Variants in REXO1 observed in about 807,000 individuals in gnomAD.
The protein encoded by REXO1 is RNA exonuclease 1 homolog, also known as REX1, RNA exonuclease 1 homolog.
In REXO1, 42 loss-of-function variants were observed where a neutral mutation model predicts 102.6. The observed-to-expected ratio is 0.41, with a 90% CI of 0.32 to 0.53. The LOEUF (loss-of-function observed/expected upper bound fraction) is 0.53, where lower values mean the gene tolerates loss of function less well. REXO1 is among the 20% of genes least tolerant of loss of function. The pLI is 0.27. For missense variants in REXO1, 1,819 were observed against 1,732.5 expected (o/e 1.05, Z -0.89); for synonymous variants, 908 against 779.1 (o/e 1.17, Z -2.76).
rs1422121726 is a variant in REXO1, at chr19:1,827,073, G to T, written c.1716C>A (p.Ala572=). The change falls in exon 2 of 16, where the codon GCC becomes GCA. Residue 572 remains alanine, a synonymous_variant. Transcript: ENST00000170168. ...EAQGPPKRLK[A]SPPPSPAPSS... ...ATGGGGCGGGGGAGGGGGGCGGGGA[G>T]GCCTTGAGCCGCTTGGGCGGCCCCT... is the stretch of plus-strand genomic sequence containing the variant. 6.5e-7 allele frequency: 1 copy of T among 1,537,808 alleles called. No individual in the cohort carries two copies. The highest frequency in any genetic ancestry group is 2.0e-5 in the Admixed American group (1 of 50,628).
Position 1,816,357 on chromosome 19 carries a change from G to A in REXO1, c.3457-12C>T, listed in dbSNP as rs767622306. On this transcript the variant is annotated splice_polypyrimidine_tract_variant and intron_variant, in intron 14 of 15. Transcript: ENST00000170168. Reference sequence around the variant, plus strand: ...GTGCTGTGGATGACCTGTGGGCAGCGGCAGAGATCAGCGCACGTGGGGCCT... The same window carrying A: ...GTGCTGTGGATGACCTGTGGGCAGCAGCAGAGATCAGCGCACGTGGGGCCT... The A allele has an allele frequency of 1.6e-5, 26 of 1,589,750 alleles. No individual in the cohort carries two copies. The highest frequency in any genetic ancestry group is 2.2e-5 in the South Asian group (2 of 88,976).
chr19:1,828,350 G>A lies in REXO1; in HGVS notation c.439C>T (p.Leu147=), dbSNP rs1406964917. 7 of 1,610,018 alleles carry A rather than the reference G, an allele frequency of 4.3e-6. No homozygotes were observed. The highest frequency in any genetic ancestry group is 5.9e-6 in the Non-Finnish European group (7 of 1,178,498). Residue 147 remains leucine, a synonymous_variant, in exon 2 of 16, where the codon CTG becomes TTG. Coordinates refer to ENST00000170168, the MANE Select transcript of REXO1 (RefSeq NM_020695.4). Reference sequence around the variant, plus strand: ...CTGCCGGGGCTGTAGTCGAAGGCCAGTGGGAAGGCATCCTCGTCCGGGCCC... The same window carrying A: ...CTGCCGGGGCTGTAGTCGAAGGCCAATGGGAAGGCATCCTCGTCCGGGCCC... ...TVGPDEDAFP[L]AFDYSPGSHG... is the part of the protein sequence containing the mutation.
chr19:1,828,743 C>A, intron 1 of REXO1, 112 bp from the exon 2 acceptor site: 1 of 1,329,220 alleles, frequency 7.5e-7, no homozygotes, highest in African/African-American at 1.5e-5. Flanking sequence ...CCTCCGAAAC[C>A]CACCACGCAC....
At chr19:1,833,752 C>G (rs1181560195) in intron 1 of REXO1, among the ~76,000 whole-genome samples, 1 of 152,266 alleles carries the variant, frequency 6.6e-6, no homozygotes, top group Non-Finnish European at 1.5e-5. Flanking sequence ...AACAGGGCAA[C>G]TAGTGCCAGC....
intron 1 of REXO1, among the ~76,000 whole-genome samples, chr19:1,843,318 C>G (rs960954659): frequency 6.6e-6 from 1 of 152,016 alleles, no homozygotes; most frequent in African/African-American, 2.4e-5. Context: ...GCTTCAACCC[C>G]CCGCCCGGAG....
chr19:1,827,716 G>A lies in REXO1; in HGVS notation c.1073C>T (p.Ser358Phe), dbSNP rs781656517. Residue 358 changes from serine to phenylalanine, a missense_variant, in exon 2 of 16, where the codon TCC becomes TTC. By Grantham distance (155) the Ser-to-Phe change is radical. Coordinates refer to ENST00000170168, the MANE Select transcript of REXO1 (RefSeq NM_020695.4). ...DLQPPPAKPA[S>F]PAQVQSSQDG... ...CTGTGAGGACTGGACCTGGGCTGGG[G>A]AGGCGGGCTTGGCTGGGGGCGGCTG... 1.3e-6 allele frequency: 2 copies of A among 1,571,130 alleles called. No individual in the cohort carries two copies. The highest frequency in any genetic ancestry group is 1.7e-6 in the Non-Finnish European group (2 of 1,169,704).
rs1172708982 is a variant in REXO1, at chr19:1,827,690, C to T, written c.1099G>A (p.Asp367Asn). The change falls in exon 2 of 16, where the codon GAT becomes AAT. Residue 367 changes from aspartate (D) to asparagine (N), a missense_variant. Coordinates refer to ENST00000170168, the MANE Select transcript of REXO1 (RefSeq NM_020695.4). ...ASPAQVQSSQ[D>N]GGCPKEGKPK... ...TTTCCCTCCTTGGGGCAGCCCCCAT[C>T]CTGTGAGGACTGGACCTGGGCTGGG... 1.3e-6 allele frequency: 2 copies of T among 1,566,882 alleles called. No individual in the cohort carries two copies. The highest frequency in any genetic ancestry group is 1.7e-6 in the Non-Finnish European group (2 of 1,170,530).
chr19:1,828,870 G>A (rs570110968), intron 1 of REXO1, among the ~76,000 whole-genome samples: 4 of 152,370 alleles, frequency 2.6e-5, no homozygotes, highest in Admixed American at 6.5e-5. Flanking sequence ...CCTGGGCTGC[G>A]TGACACACAG....
chr19:1,840,617 T>G (rs1370703650), intron 1 of REXO1, among the ~76,000 whole-genome samples: 1 of 151,984 alleles, frequency 6.6e-6, no homozygotes, highest in African/African-American at 2.4e-5. Flanking sequence ...AGTAATCCTG[T>G]GTTTGGAAAC....
chr19:1,815,708 G>T lies in REXO1; in HGVS notation c.*358C>A. The T allele has an allele frequency of 8.8e-6, 12 of 1,361,540 alleles. No individual in the cohort carries two copies. Among genetic ancestry groups the T allele is most frequent in the Middle Eastern group, 2.8e-4 (1 of 3,536 alleles). The allele number at this position is 1,361,540 out of a possible 1,614,324, so 84.3% of individuals were successfully genotyped here. On this transcript the variant is annotated 3_prime_UTR_variant, in exon 16 of 16. Coordinates refer to ENST00000170168, the MANE Select transcript of REXO1 (RefSeq NM_020695.4). The surrounding 1 kb of genome is among the most constrained non-coding windows in gnomAD (Gnocchi z 4.0). ...AACAAACCTGGGACAAGCCCGCCCC[G>T]CGACCCACGTGAGGAGCAGAGGTGC... is the stretch of plus-strand genomic sequence containing the variant.
At chr19:1,835,402 G>A (rs938737733) in intron 1 of REXO1, among the ~76,000 whole-genome samples, 7 of 152,140 alleles carry the variant, frequency 4.6e-5, no homozygotes, top group Non-Finnish European at 8.8e-5. Flanking sequence ...AAAAAAATTA[G>A]CCAGGCCTGG....
Position 1,818,325 on chromosome 19 carries a change from G to C in REXO1, c.3016+157C>G, listed in dbSNP as rs76945216. 2.6e-5 allele frequency among the ~76,000 whole-genome samples: 4 copies of C among 152,320 alleles called. No homozygotes were observed. In the East Asian group the frequency reaches 7.7e-4, roughly 29 times the overall value. ...CAGGTGGAGAGAAAATGAGGCCAAG[G>C]GCTAGCCCCGGCTCTGCCAAAGACG... On this transcript the variant is annotated intron_variant, in intron 10 of 15. Coordinates refer to ENST00000170168, the MANE Select transcript of REXO1 (RefSeq NM_020695.4).
rs964815785 is a variant in REXO1, at chr19:1,848,294, C to T, written c.65G>A (p.Gly22Glu). Reference protein sequence around the residue: ...DCPYWSGAPGGPCRRPYCHFR... With the variant: ...DCPYWSGAPGEPCRRPYCHFR... ...GTGGCAGTAGGGCCGCCGGCAGGGCCCCCCGGGCGCCCCAGACCAATAGGG... is the reference window on the plus strand; with the variant it reads ...GTGGCAGTAGGGCCGCCGGCAGGGCTCCCCGGGCGCCCCAGACCAATAGGG... The change falls in exon 1 of 16, where the codon GGG becomes GAG. Residue 22 changes from glycine (G) to glutamate (E), a missense_variant. Physicochemically the swap from Gly to Glu is moderately conservative, Grantham distance 98 (BLOSUM62 -2). Transcript: ENST00000170168. The T allele has an allele frequency of 4.9e-6, 6 of 1,230,688 alleles. No individual in the cohort carries two copies. The African/African-American group carries it at 7.8e-5, about 16-fold the overall frequency. The allele number at this position is 1,230,688 out of a possible 1,614,324, so 76.2% of individuals were successfully genotyped here.
Position 1,827,060 on chromosome 19 carries a change from AG to A in REXO1, c.1728del (p.Ser577ProfsTer76). 3.5e-6 allele frequency: 2 copies of A among 577,194 alleles called. No individual in the cohort carries two copies. Among genetic ancestry groups the A allele is most frequent in the Non-Finnish European group, 5.9e-6 (2 of 341,186 alleles). The allele number at this position is 577,194 out of a possible 1,614,324, so 35.8% of individuals were successfully genotyped here. A position where few individuals can be genotyped will look rare whatever the true frequency, so the allele number is the denominator to read the frequency against. ...PPKRLKASPP[P>X]SPAPSSSSSS... ...GAGGAGGAGGAGGATGGGGCGGGGG[AG>A]GGGGGCGGGGAGGCCTTGAGCCGCT... On this transcript the variant is annotated frameshift_variant, in exon 2 of 16. Transcript: ENST00000170168. LOFTEE classifies it high-confidence loss of function.
intron 1 of REXO1, among the ~76,000 whole-genome samples, chr19:1,829,302 G>A (rs2069840903): frequency 1.3e-5 from 2 of 151,950 alleles, no homozygotes; most frequent in Admixed American, 6.6e-5. Context: ...ATAGTGGTGC[G>A]ATCTTGGCTC....
chr19:1,835,633 C>T (rs528182495), intron 1 of REXO1, among the ~76,000 whole-genome samples: 2 of 152,218 alleles, frequency 1.3e-5, no homozygotes, highest in African/African-American at 2.4e-5. Context: ...CCCCGTCCCA[C>T]GGCTGGGAAT....
rs796903428 is a variant in REXO1, at chr19:1,841,102, G to A, written c.157+7100C>T. On this transcript the variant is annotated intron_variant, in intron 1 of 15. Coordinates refer to ENST00000170168, the MANE Select transcript of REXO1 (RefSeq NM_020695.4). ...CCAGTGCACATGCGGCTCCTCCAAG[G>A]GTCCCAGAGGACTTGGCTGTTAGAG... Among the ~76,000 whole-genome samples the A allele has an allele frequency of 1.1e-4, 17 of 152,356 alleles. 2 individuals are homozygous for A. The highest frequency in any genetic ancestry group is 4.1e-4 in the African/African-American group (17 of 41,576).
chr19:1,829,791 A>G (rs777302595), intron 1 of REXO1, among the ~76,000 whole-genome samples: 1 of 152,212 alleles, frequency 6.6e-6, no homozygotes, highest in Non-Finnish European at 1.5e-5. Context: ...CTGCGCGACA[A>G]GAGTGAAACC....
intron 10 of REXO1, 94 bp from the exon 11 acceptor site, chr19:1,817,874 G>T: frequency 9.9e-7 from 1 of 1,005,774 alleles, no homozygotes. Context: ...GCCCTACTAG[G>T]GAGTGAGGAC....
Sources: gnomAD v4.1 joint callset for allele counts (sites outside exome capture counted in the v4.1 genomes callset) on GRCh38, gnomAD v4.1.1 for gene constraint, Gnocchi (gnomAD v3.1) non-coding constraint, MANE v1.5 for transcripts, NCBI Gene and HGNC (gene_info 2026-07-23, HGNC 2026-07-21) for gene names.